Variants in CDIN1 observed in about 807,000 individuals in gnomAD.
The protein encoded by CDIN1 is CDAN1 interacting nuclease 1.
CDIN1 carries 33 observed loss-of-function variants against 45.3 expected under a neutral mutation model. That is an observed-to-expected ratio of 0.73 (90% CI 0.55 to 0.97). The LOEUF is 0.97. Among genes scored for constraint, CDIN1 ranks in the 50% least tolerant of loss-of-function variants. The pLI is 0.00. For synonymous variants in CDIN1, 118 were observed against 124.4 expected (o/e 0.95, Z 0.34); for missense variants, 303 against 339.4 (o/e 0.89, Z 0.84).
chr15:36,800,895 G>A (rs1464834627), intron 10 of CDIN1, among the ~76,000 whole-genome samples: 113 of 27,098 alleles, frequency 4.2e-3, no homozygotes, highest in South Asian at 0.028. Context: ...GTGTGTGTGT[G>A]TGTGTGTGTG....
At chr15:36,783,733 T>TA (rs2054412188) in intron 10 of CDIN1, among the ~76,000 whole-genome samples, 1 of 152,178 alleles carries the variant, frequency 6.6e-6, no homozygotes, top group Admixed American at 6.6e-5. Context: ...AAGTTTAATT[T>TA]ACCCCTCTAT....
intron 4 of CDIN1, among the ~76,000 whole-genome samples, chr15:36,654,370 CT>C (rs1236825563): frequency 1.3e-5 from 2 of 152,078 alleles, no homozygotes; most frequent in Non-Finnish European, 2.9e-5. Context: ...TAGTCTACTT[CT>C]TTTAAGGCAA....
intron 10 of CDIN1, among the ~76,000 whole-genome samples, chr15:36,778,772 ATCAAC>A (rs1432283635): frequency 6.6e-6 from 1 of 152,206 alleles, no homozygotes; most frequent in Non-Finnish European, 1.5e-5. Context: ...TGCATATGGA[ATCAAC>A]TCACTCTAAG....
At chr15:36,629,141 C>T (rs1280592076) in intron 1 of CDIN1, among the ~76,000 whole-genome samples, 1 of 152,142 alleles carries the variant, frequency 6.6e-6, no homozygotes, top group Non-Finnish European at 1.5e-5. Flanking sequence ...TTTTGGACTT[C>T]TGGCCTCCAG....
intron 1 of CDIN1, among the ~76,000 whole-genome samples, chr15:36,601,952 C>G (rs559228402): frequency 6.6e-6 from 1 of 152,176 alleles, no homozygotes; most frequent in African/African-American, 2.4e-5. Context: ...AGGGTTTTAT[C>G]GATAGCAGCT....
intron 1 of CDIN1, among the ~76,000 whole-genome samples, chr15:36,628,984 A>G (rs951611571): frequency 2.0e-5 from 3 of 152,162 alleles, no homozygotes; most frequent in Non-Finnish European, 4.4e-5. Flanking sequence ...GAAGATGCTG[A>G]TCTTGAAAAT....
At chr15:36,617,282 G>T in intron 1 of CDIN1, 1 of 1,086,022 alleles carries the variant, frequency 9.2e-7, no homozygotes, top group Non-Finnish European at 1.4e-6. Context: ...GAAGATATAT[G>T]TAAAGAATAT....
intron 5 of CDIN1, among the ~76,000 whole-genome samples, chr15:36,681,540 A>G (rs1286748777): frequency 6.6e-6 from 1 of 152,182 alleles, no homozygotes; most frequent in Non-Finnish European, 1.5e-5. Context: ...AAAGGCATAT[A>G]TTCTTAGCTT....
At chr15:36,745,313 G>A (rs1452806453) in intron 10 of CDIN1, among the ~76,000 whole-genome samples, 1 of 151,968 alleles carries the variant, frequency 6.6e-6, no homozygotes, top group Non-Finnish European at 1.5e-5. Flanking sequence ...GATAAGTACT[G>A]AACTTTTAAA....
At chr15:36,679,127 T>G (rs1595460243) in intron 5 of CDIN1, among the ~76,000 whole-genome samples, 3 of 151,992 alleles carry the variant, frequency 2.0e-5, no homozygotes, top group Admixed American at 6.6e-5. Flanking sequence ...TCAAGCCCAC[T>G]TTTAGTAGTG....
chr15:36,706,722 T>C (rs1179991609), intron 8 of CDIN1: 1 of 152,040 alleles, frequency 6.6e-6, no homozygotes, highest in Non-Finnish European at 1.5e-5. Context: ...CAGATGAACA[T>C]GTAGAACAGA....
Position 36,809,247 on chromosome 15 carries a change from G to A in CDIN1, c.*794G>A. The A allele has an allele frequency of 4.0e-6, 1 of 247,882 alleles. No homozygotes were observed. Among genetic ancestry groups the A allele is most frequent in the Non-Finnish European group, 8.1e-6 (1 of 123,704 alleles). 15.4% of individuals were successfully genotyped at this position (247,882 alleles called of 1,614,324 possible). A position where few individuals can be genotyped will look rare whatever the true frequency, so the allele number is the denominator to read the frequency against. The stretch of plus-strand genomic sequence containing the variant: ...CCGAGAGGCGACAACCCAACATTGA[G>A]GAGAGTTTATTTTTAAACATGGCTA... On this transcript the variant is annotated 3_prime_UTR_variant, in exon 11 of 11. Coordinates refer to ENST00000566621, the MANE Select transcript of CDIN1 (RefSeq NM_001321759.2).
At chr15:36,722,193 A>C (rs1258174338) in intron 10 of CDIN1, among the ~76,000 whole-genome samples, 2 of 152,176 alleles carry the variant, frequency 1.3e-5, no homozygotes, top group Non-Finnish European at 2.9e-5. Context: ...TCTTAAAATT[A>C]ACCTTGTAAT....
intron 1 of CDIN1, chr15:36,617,689 TGATTCTTAGA>T: frequency 1.3e-6 from 1 of 771,392 alleles, no homozygotes; most frequent in Non-Finnish European, 2.4e-6. Flanking sequence ...CGTTGTATTG[TGATTCTTAGA>T]GAGATTCCTG....
intron 4 of CDIN1, among the ~76,000 whole-genome samples, chr15:36,655,312 CTTTTTTTTTTTTGCTT>C (rs2040735854): frequency 8.0e-6 from 1 of 125,180 alleles, no homozygotes; most frequent in African/African-American, 3.0e-5. Flanking sequence ...GAGCAGAGTG[CTTTTTTTTTTTTGCTT>C]TTTTTTTTTC....
chr15:36,667,852 A>G (rs16963841), intron 5 of CDIN1, among the ~76,000 whole-genome samples: 3,398 of 152,266 alleles, frequency 0.022, 115 homozygotes, highest in African/African-American at 0.078. Context: ...TATGCAGACA[A>G]TATGAGCTAT....
Position 36,657,876 on chromosome 15 carries a change from G to C in CDIN1, c.317G>C (p.Arg106Thr). The change falls in exon 5 of 11, where the codon AGG (arginine) becomes ACG (threonine). Residue 106 changes from arginine to threonine, a missense_variant. Transcript: ENST00000566621. ...PSLMARLILE[R>T]FLQEHEETPP... ...TTAATGGCTCGGCTTATACTGGAGAGGTTTCTACAGGAACACGAGGAAACT... is the reference window on the plus strand; with the variant it reads ...TTAATGGCTCGGCTTATACTGGAGACGTTTCTACAGGAACACGAGGAAACT... The C allele has an allele frequency of 6.2e-7, 1 of 1,611,846 alleles. No homozygotes were observed. The highest frequency in any genetic ancestry group is 1.1e-5 in the South Asian group (1 of 90,608).
At chr15:36,798,539 T>G (rs578025502) in intron 10 of CDIN1, 1 of 152,350 alleles carries the variant, frequency 6.6e-6, no homozygotes, top group Admixed American at 6.5e-5. Context: ...TAATGATAGA[T>G]TTATAGGGCA....
chr15:36,619,233 C>A, intron 1 of CDIN1: 2 of 1,304,050 alleles, frequency 1.5e-6, no homozygotes, highest in Non-Finnish European at 2.1e-6. Context: ...GACGTAATGG[C>A]AAAGAGCAAT....
Sources: gnomAD v4.1 joint callset for allele counts (sites outside exome capture counted in the v4.1 genomes callset) on GRCh38, gnomAD v4.1.1 for gene constraint, MANE v1.5 for transcripts, NCBI Gene and HGNC (gene_info 2026-07-23, HGNC 2026-07-21) for gene names.